The following NTAQ1 variants were observed in gnomAD, a reference collection of about 807,000 sequenced individuals.
NTAQ1 encodes the protein protein N-terminal glutamine amidohydrolase.
Under a neutral mutation model 28.2 loss-of-function variants are expected in NTAQ1, and 21 were observed. That is an observed-to-expected ratio of 0.74 (90% confidence interval 0.53 to 1.07). The LOEUF (loss-of-function observed/expected upper bound fraction) is 1.07. NTAQ1 is among the 50% of genes least tolerant of loss of function. The pLI, the probability that NTAQ1 is intolerant of heterozygous loss-of-function variation, is 0.00. For missense variants in NTAQ1, 264 were observed against 256.6 expected (o/e 1.03, Z -0.20); for synonymous variants, 105 against 90.0 (o/e 1.17, Z -0.94).
intron 2 of NTAQ1, among the ~76,000 whole-genome samples, chr8:123,428,238 C>A (rs1814185581): frequency 6.6e-6 from 1 of 152,180 alleles, no homozygotes; most frequent in Non-Finnish European, 1.5e-5. Context: ...TTCTGTCGCC[C>A]AGGCTGGAGT....
intron 6 of NTAQ1, among the ~76,000 whole-genome samples, chr8:123,462,100 C>T (rs747360718): frequency 3.3e-5 from 5 of 152,100 alleles, no homozygotes; most frequent in Non-Finnish European, 7.4e-5. Flanking sequence ...GGCTGGAGTG[C>T]AGTGGCGTGA....
intron 6 of NTAQ1, chr8:123,455,164 G>T (rs1266056491): frequency 6.6e-6 from 1 of 152,200 alleles, no homozygotes; most frequent in Non-Finnish European, 1.5e-5. Context: ...CTCAGCCTTG[G>T]TCTCCACTTA....
intron 6 of NTAQ1, among the ~76,000 whole-genome samples, chr8:123,465,811 G>A (rs545376539): frequency 4.6e-5 from 7 of 152,032 alleles, no homozygotes; most frequent in African/African-American, 1.7e-4. Context: ...CGGAACTCCA[G>A]GGCTCAAGCG....
At chr8:123,465,574 C>CTTTTTTTTTTTTTTTTTTTTTTT (rs71310691) in intron 6 of NTAQ1, among the ~76,000 whole-genome samples, 1 of 78,560 alleles carries the variant, frequency 1.3e-5, no homozygotes, top group Non-Finnish European at 2.2e-5. Context: ...AGCATAACAT[C>CTTTTTTTTTTTTTTTTTTTTTTT]TTTTTTTTTT....
At position 123,424,398 on chromosome 8, in the gene NTAQ1, A is replaced by G. The variant is rs1307662041; in HGVS notation, c.84-3526A>G. On this transcript the variant is annotated intron_variant, in intron 1 of 5. Coordinates refer to ENST00000287387, the MANE Select transcript of NTAQ1 (RefSeq NM_018024.3). ...GCTGGGATTACAGGTGCCTGCCACC[A>G]CACCCATCTAATTTTTTGTATTTTT... 2.0e-5 allele frequency among the ~76,000 whole-genome samples: 3 copies of G among 152,062 alleles called. No individual in the cohort carries two copies. The East Asian group carries it at 5.8e-4, about 29-fold the overall frequency.
chr8:123,424,291 G>A (rs562554204), intron 1 of NTAQ1, among the ~76,000 whole-genome samples: 1 of 151,504 alleles, frequency 6.6e-6, no homozygotes, highest in African/African-American at 2.4e-5. Flanking sequence ...TGCCTGGGCT[G>A]GAGTGCAGTA....
intron 2 of NTAQ1, among the ~76,000 whole-genome samples, chr8:123,429,646 C>T (rs1204713347): frequency 6.6e-6 from 1 of 152,108 alleles, no homozygotes; most frequent in Non-Finnish European, 1.5e-5. Flanking sequence ...GGGCAGATCA[C>T]TTGAGATCAG....
chr8:123,434,606 CAGAG>C (rs1814592847), intron 3 of NTAQ1, among the ~76,000 whole-genome samples: 1 of 152,100 alleles, frequency 6.6e-6, no homozygotes, highest in Admixed American at 6.6e-5. Flanking sequence ...GCCTGGGTGA[CAGAG>C]AGAGACTCTG....
At chr8:123,434,506 T>G (rs535488706) in intron 3 of NTAQ1, among the ~76,000 whole-genome samples, 7 of 152,156 alleles carry the variant, frequency 4.6e-5, no homozygotes, top group African/African-American at 7.2e-5. Flanking sequence ...GCGCCTGTAA[T>G]CCCAGCTACT....
intron 6 of NTAQ1, among the ~76,000 whole-genome samples, chr8:123,458,393 TTTGA>T (rs1345946221): frequency 7.9e-5 from 12 of 152,102 alleles, no homozygotes; most frequent in African/African-American, 2.2e-4. Context: ...ATTCTAACCC[TTTGA>T]TTGGGCTGCT....
chr8:123,472,370 C>T (rs533056475), downstream of NTAQ1, among the ~76,000 whole-genome samples: 9 of 152,292 alleles, frequency 5.9e-5, no homozygotes, highest in East Asian at 5.8e-4. Flanking sequence ...CAAATTACCA[C>T]AAACTTGATG....
intron 5 of NTAQ1, among the ~76,000 whole-genome samples, chr8:123,439,714 TCTTGGCCTCAGGTGATCCTTCTGC>T (rs1814933876): frequency 6.6e-6 from 1 of 152,058 alleles, no homozygotes; most frequent in Non-Finnish European, 1.5e-5. Context: ...GGTCTTGAAC[TCTTGGCCTCAGGTGATCCTTCTGC>T]CTTGGCCTCC....
In NTAQ1 at chr8:123,417,890, A is replaced by G. The variant is rs1224647982; in HGVS notation, c.83+958A>G. Among the ~76,000 whole-genome samples, 4 of 152,094 alleles carry G rather than the reference A, an allele frequency of 2.6e-5. No individual in the cohort carries two copies. The East Asian group carries it at 5.8e-4, about 22-fold the overall frequency. On this transcript the variant is annotated intron_variant, in intron 1 of 5. Transcript: ENST00000287387. ...GCTGTTCTGTGCCCCCAAATCACAC[A>G]TCTAGCAAGTGGTGGTGCTGAAACT...
At position 123,439,139 on chromosome 8, in the gene NTAQ1, A is replaced by G. The variant is rs537026792; in HGVS notation, c.508+1805A>G. Among the ~76,000 whole-genome samples the G allele has an allele frequency of 4.6e-5, 7 of 151,260 alleles. 1 individual carries two copies. The South Asian group carries it at 1.5e-3, about 32-fold the overall frequency. ...TTTTGTGCTGGGCTTTTGCCAGCCCAATTACTATATGGGCTGCCGAGGTGA... is the reference window on the plus strand; with the variant it reads ...TTTTGTGCTGGGCTTTTGCCAGCCCGATTACTATATGGGCTGCCGAGGTGA... On this transcript the variant is annotated intron_variant, in intron 5 of 5. Transcript: ENST00000287387.
chr8:123,430,057 A>G, intron 3 of NTAQ1, 24 bp downstream of exon 3: 2 of 1,600,884 alleles, frequency 1.2e-6, no homozygotes, highest in South Asian at 1.1e-5. Flanking sequence ...TACAGAGAGT[A>G]TTGACGCATT....
At chr8:123,430,112 A>G in intron 3 of NTAQ1, 79 bp downstream of exon 3, 1 of 1,101,934 alleles carries the variant, frequency 9.1e-7, no homozygotes, top group Non-Finnish European at 1.4e-6. Context: ...GGTAAAGCAG[A>G]AGTGACCTAA....
intron 6 of NTAQ1, among the ~76,000 whole-genome samples, chr8:123,463,284 T>G (rs1332222367): frequency 6.6e-6 from 1 of 152,202 alleles, no homozygotes; most frequent in Non-Finnish European, 1.5e-5. Context: ...GTCTAATATG[T>G]GGTCTGTATT....
intron 6 of NTAQ1, chr8:123,455,170 A>C (rs1815611550): frequency 1.3e-5 from 2 of 152,194 alleles, no homozygotes; most frequent in Admixed American, 6.5e-5. Flanking sequence ...CTTGGTCTCC[A>C]CTTAGGGCTT....
intron 6 of NTAQ1, among the ~76,000 whole-genome samples, chr8:123,464,464 C>T (rs576845091): frequency 4.6e-5 from 7 of 152,082 alleles, no homozygotes; most frequent in Non-Finnish European, 8.8e-5. Context: ...AGAGTGGCAG[C>T]GGCATGAGGA....
Sources: allele counts gnomAD v4.1 joint callset (sites outside exome capture counted in the v4.1 genomes callset), GRCh38; gene constraint gnomAD v4.1.1; transcripts MANE v1.5; gene names NCBI Gene and HGNC (gene_info 2026-07-23, HGNC 2026-07-21).